Variants in OCA2 observed in about 807,000 individuals in gnomAD.
The protein encoded by OCA2 is P protein.
OCA2 carries 77 observed loss-of-function variants against 100.2 expected under a neutral mutation model. The ratio of observed to expected loss-of-function variants is 0.77; its 90% confidence interval spans 0.64 to 0.93. The LOEUF is 0.93. Among genes scored for constraint, OCA2 ranks in the 40% least tolerant of loss-of-function variants. OCA2 has a pLI of 0.00. For missense variants in OCA2, 1,062 were observed against 1,089.1 expected (o/e 0.98, Z 0.35); for synonymous variants, 432 against 439.2 (o/e 0.98, Z 0.21).
chr15:27,962,134 GAAGA>G (rs1224685767), intron 15 of OCA2, among the ~76,000 whole-genome samples: 1 of 152,076 alleles, frequency 6.6e-6, no homozygotes, highest in Non-Finnish European at 1.5e-5. Context: ...TAGATAAATA[GAAGA>G]TAGACAGATA....
chr15:27,947,702 C>T (rs1274619365), intron 18 of OCA2, among the ~76,000 whole-genome samples: 2 of 152,232 alleles, frequency 1.3e-5, no homozygotes, highest in African/African-American at 4.8e-5. Context: ...AGCCAGTAAA[C>T]ATTCCTTCTT....
intron 19 of OCA2, among the ~76,000 whole-genome samples, chr15:27,882,198 C>T (rs1194782800): frequency 1.3e-5 from 2 of 152,108 alleles, no homozygotes; most frequent in Non-Finnish European, 2.9e-5. Flanking sequence ...TTCAGTGAAA[C>T]TCCAATTTTT....
At chr15:28,051,294 T>C (rs8027215) in intron 2 of OCA2, among the ~76,000 whole-genome samples, 1 of 152,148 alleles carries the variant, frequency 6.6e-6, no homozygotes, top group East Asian at 1.9e-4. Flanking sequence ...GGTTTTGTTT[T>C]GTTTTGTTTT....
At chr15:27,893,963 T>C (rs1442926614) in intron 19 of OCA2, among the ~76,000 whole-genome samples, 1 of 152,176 alleles carries the variant, frequency 6.6e-6, no homozygotes, top group Non-Finnish European at 1.5e-5. Flanking sequence ...ATGCATGTGA[T>C]CTTTGTACTT....
intron 23 of OCA2, among the ~76,000 whole-genome samples, chr15:27,759,825 G>A (rs28614106): frequency 0.45 from 67,703 of 151,946 alleles, 16,005 homozygotes; most frequent in East Asian, 0.58. Context: ...ATTCAGCAGA[G>A]AGAACTCAAC....
At chr15:27,935,674 G>C (rs1174824557) in intron 18 of OCA2, among the ~76,000 whole-genome samples, 1 of 152,186 alleles carries the variant, frequency 6.6e-6, no homozygotes, top group African/African-American at 2.4e-5. Flanking sequence ...ATATTCCTCT[G>C]ATATGCTCAG....
chr15:27,870,149 C>G (rs1407062590), intron 21 of OCA2, among the ~76,000 whole-genome samples: 1 of 152,220 alleles, frequency 6.6e-6, no homozygotes, highest in Non-Finnish European at 1.5e-5. Flanking sequence ...GCCTGCTGCT[C>G]CAGCCCGGGG....
intron 23 of OCA2, among the ~76,000 whole-genome samples, chr15:27,792,709 T>G (rs1158561997): frequency 6.6e-6 from 1 of 152,202 alleles, no homozygotes; most frequent in Non-Finnish European, 1.5e-5. Context: ...TGGACTGTGG[T>G]CACAGCTGTT....
At chr15:27,995,708 T>C (rs752463593) in intron 9 of OCA2, among the ~76,000 whole-genome samples, 6 of 152,024 alleles carry the variant, frequency 3.9e-5, no homozygotes, top group Non-Finnish European at 7.4e-5. Flanking sequence ...TTTTAGAAGA[T>C]GTAAATAATA....
chr15:27,754,145 C>T (rs1397528144), downstream of OCA2, among the ~76,000 whole-genome samples: 1 of 152,192 alleles, frequency 6.6e-6, no homozygotes, highest in Non-Finnish European at 1.5e-5. Flanking sequence ...CGTTGTCCAA[C>T]ACTGCATTTT....
chr15:27,956,653 T>C (rs2040232162), intron 16 of OCA2, among the ~76,000 whole-genome samples: 2 of 152,308 alleles, frequency 1.3e-5, no homozygotes, highest in African/African-American at 4.8e-5. Flanking sequence ...GGTCATTCTT[T>C]CCCCAGCCTG....
At chr15:27,818,071 T>A (rs1481207293) in intron 23 of OCA2, among the ~76,000 whole-genome samples, 1 of 152,214 alleles carries the variant, frequency 6.6e-6, no homozygotes, top group East Asian at 1.9e-4. Context: ...ATACTAAACA[T>A]TATCAGGTAC....
At chr15:27,749,427 T>C in the OCA2 span, among the ~76,000 whole-genome samples, 3 of 152,118 alleles carry the variant, frequency 2.0e-5, no homozygotes, top group Non-Finnish European at 4.4e-5. Flanking sequence ...CTGAAAGAAG[T>C]TGTTGCAAGT....
intron 23 of OCA2, among the ~76,000 whole-genome samples, chr15:27,808,247 G>A (rs576189089): frequency 2.6e-5 from 4 of 152,358 alleles, no homozygotes; most frequent in African/African-American, 9.6e-5. Context: ...GTGCAGCAGG[G>A]CTGGGCAAAG....
At chr15:28,021,768 GA>G (rs1202133053) in intron 6 of OCA2, among the ~76,000 whole-genome samples, 2 of 152,188 alleles carry the variant, frequency 1.3e-5, no homozygotes, top group East Asian at 3.9e-4. Context: ...CTGGCAGCCA[GA>G]GGGCGCAGTG....
intron 19 of OCA2, among the ~76,000 whole-genome samples, chr15:27,907,429 A>T (rs567502257): frequency 6.6e-6 from 1 of 152,292 alleles, no homozygotes; most frequent in South Asian, 2.1e-4. Context: ...AACAACACTG[A>T]AAAAAAGATT....
chr15:27,844,803 T>C (rs1595503827), intron 23 of OCA2, among the ~76,000 whole-genome samples, 156 bp downstream of exon 23: 1 of 152,156 alleles, frequency 6.6e-6, no homozygotes, highest in African/African-American at 2.4e-5. Context: ...CAATAAATTT[T>C]TAATGTGTTT....
At chr15:27,913,867 G>GAAAGAAAGAAAGAA (rs2038517235) in intron 19 of OCA2, among the ~76,000 whole-genome samples, 1 of 47,372 alleles carries the variant, frequency 2.1e-5, no homozygotes, top group Non-Finnish European at 3.6e-5. Flanking sequence ...AAGAAAGAAA[G>GAAAGAAAGAAAGAA]AAAGAAAGAA....
chr15:28,003,825 G>T (rs939289826), intron 9 of OCA2, among the ~76,000 whole-genome samples: 1 of 152,198 alleles, frequency 6.6e-6, no homozygotes, highest in Admixed American at 6.5e-5. Flanking sequence ...CTCTGAAGGT[G>T]GGCCTTCCAA....
Sources: allele counts gnomAD v4.1 joint callset (sites outside exome capture counted in the v4.1 genomes callset), GRCh38; gene constraint gnomAD v4.1.1; transcripts MANE v1.5; gene names NCBI Gene and HGNC (gene_info 2026-07-23, HGNC 2026-07-21).